EDNRA: variants seen among roughly 807,000 people sequenced by gnomAD.
EDNRA encodes endothelin-1 receptor.
In EDNRA, 11 loss-of-function variants were observed where a neutral mutation model predicts 41.4. The ratio of observed to expected loss-of-function variants is 0.27; its 90% CI spans 0.17 to 0.44. EDNRA has a LOEUF of 0.44. EDNRA is among the 20% of genes least tolerant of loss of function. The probability of loss-of-function intolerance (pLI) is 1.00; values close to 1 mark genes in which losing one functional copy is unlikely to be tolerated. For missense variants in EDNRA, 294 were observed against 531.0 expected (o/e 0.55, Z 4.39); for synonymous variants, 172 against 183.0 (o/e 0.94, Z 0.49).
At chr4:147,539,442 G>T (rs1290461766) in intron 5 of EDNRA, among the ~76,000 whole-genome samples, 2 of 151,502 alleles carry the variant, frequency 1.3e-5, no homozygotes, top group Non-Finnish European at 2.9e-5. Context: ...CCCCCATGCA[G>T]TCACACTCCA....
In EDNRA at chr4:147,527,102, G is replaced by A. The variant is rs59109939; in HGVS notation, c.549-5404G>A. On this transcript the variant is annotated intron_variant, in intron 3 of 7. Transcript: ENST00000651419. ...AGGGGCGGCACTGTACCTTATGGAAGTGGTAAATAAGAATAAATAATAAAT... is the reference window on the plus strand; with the variant it reads ...AGGGGCGGCACTGTACCTTATGGAAATGGTAAATAAGAATAAATAATAAAT... Among the ~76,000 whole-genome samples the A allele has an allele frequency of 4.5e-3, 692 of 152,348 alleles. 6 individuals are homozygous for A. The highest frequency in any genetic ancestry group is 0.016 in the African/African-American group (656 of 41,576).
chr4:147,529,064 C>G (rs1162403815), intron 3 of EDNRA, among the ~76,000 whole-genome samples: 1 of 152,110 alleles, frequency 6.6e-6, no homozygotes, highest in Non-Finnish European at 1.5e-5. Flanking sequence ...CAAGGCACTG[C>G]GATAACAGGT....
At position 147,486,196 on chromosome 4, in the gene EDNRA, A is replaced by T; in HGVS notation, c.420+95A>T. 1 of 1,391,646 alleles carries T rather than the reference A, an allele frequency of 7.2e-7. No homozygotes were observed. The highest frequency in any genetic ancestry group is 9.6e-7 in the Non-Finnish European group (1 of 1,037,110). The allele number at this position is 1,391,646 out of a possible 1,614,324, so 86.2% of individuals were successfully genotyped here. On this transcript the variant is annotated intron_variant, in intron 2 of 7. Transcript: ENST00000651419. The surrounding 1 kb of genome is among the most constrained non-coding windows in gnomAD (Gnocchi z 4.3). Reference sequence around the variant, plus strand: ...AGACTTTTCTGACCTTTGGAATTTTATCTGTGTTTTTACTGAGAGCTATTT... The same window carrying T: ...AGACTTTTCTGACCTTTGGAATTTTTTCTGTGTTTTTACTGAGAGCTATTT...
intron 2 of EDNRA, among the ~76,000 whole-genome samples, chr4:147,512,644 T>C (rs758693527): frequency 4.6e-5 from 7 of 152,238 alleles, no homozygotes; most frequent in Non-Finnish European, 8.8e-5. Context: ...ACCATATGCA[T>C]GGGCACTCTC....
chr4:147,515,912 C>T (rs1730098419), intron 2 of EDNRA, among the ~76,000 whole-genome samples: 1 of 152,154 alleles, frequency 6.6e-6, no homozygotes, highest in Non-Finnish European at 1.5e-5. Context: ...TTAAAACATG[C>T]AGCTTGTCAA....
At chr4:147,492,086 G>C (rs1729157041) in intron 2 of EDNRA, 1 of 152,216 alleles carries the variant, frequency 6.6e-6, no homozygotes, top group South Asian at 2.1e-4. Context: ...TTGGATCTCA[G>C]CTTAATCATC....
chr4:147,507,950 G>A (rs4591581), intron 2 of EDNRA, among the ~76,000 whole-genome samples: 32,747 of 151,996 alleles, frequency 0.22, 6,140 homozygotes, highest in African/African-American at 0.52. Context: ...ATCTGCTTTG[G>A]TGAAATGTTC....
In EDNRA at chr4:147,486,870, A is replaced by C; in HGVS notation, c.420+769A>C. On this transcript the variant is annotated intron_variant, in intron 2 of 7. Coordinates refer to ENST00000651419, the MANE Select transcript of EDNRA (RefSeq NM_001957.4). This position sits in a 1 kb window ranked among gnomAD's most constrained non-coding sequence, Gnocchi z 4.3. The stretch of plus-strand genomic sequence containing the variant: ...GAGGAAGATAACTAACCTTGCTTAC[A>C]GACTGTATTAGGCCATTTCTACATT... Among the ~76,000 whole-genome samples the C allele has an allele frequency of 6.6e-6, 1 of 151,652 alleles. No homozygotes were observed. Among genetic ancestry groups the C allele is most frequent in the East Asian group, 1.9e-4 (1 of 5,142 alleles).
At chr4:147,532,763 A>C in intron 4 of EDNRA, 59 bp downstream of exon 4, 1 of 1,551,596 alleles carries the variant, frequency 6.4e-7, no homozygotes, top group South Asian at 1.1e-5. Flanking sequence ...GTTAGACTTC[A>C]CCATCTTGAG....
At position 147,508,589 on chromosome 4, in the gene EDNRA, T is replaced by C. The variant is rs1029365923; in HGVS notation, c.421-11262T>C. On this transcript the variant is annotated intron_variant, in intron 2 of 7. Coordinates refer to ENST00000651419, the MANE Select transcript of EDNRA (RefSeq NM_001957.4). ...TTTTCTTTGAACAGTTTTAGAGGCTTAGCTCTTACATTCAGTTCTGTAATC... is the reference window on the plus strand; with the variant it reads ...TTTTCTTTGAACAGTTTTAGAGGCTCAGCTCTTACATTCAGTTCTGTAATC... Among the ~76,000 whole-genome samples, 3 of 152,366 alleles carry C rather than the reference T, an allele frequency of 2.0e-5. No individual in the cohort carries two copies. The East Asian group carries it at 5.8e-4, about 29-fold the overall frequency.
At position 147,507,643 on chromosome 4, in the gene EDNRA, CAT is replaced by C. The variant is rs887918619; in HGVS notation, c.421-12207_421-12206del. On this transcript the variant is annotated intron_variant, in intron 2 of 7. Transcript: ENST00000651419. ...CTGGTGATAAATACACAAACCTACACATGTTACTCAATTGCATAGAGCTAAAT... is the reference window on the plus strand; with the variant it reads ...CTGGTGATAAATACACAAACCTACACGTTACTCAATTGCATAGAGCTAAAT... Among the ~76,000 whole-genome samples the C allele has an allele frequency of 1.6e-4, 25 of 152,264 alleles. No individual in the cohort carries two copies. The East Asian group carries it at 2.1e-3, about 13-fold the overall frequency.
intron 3 of EDNRA, 79 bp from the exon 4 acceptor site, chr4:147,532,427 C>T: frequency 1.5e-6 from 2 of 1,320,168 alleles, no homozygotes; most frequent in Non-Finnish European, 2.2e-6. Context: ...GGAGGAACTT[C>T]CCAGCACTTA....
intron 2 of EDNRA, among the ~76,000 whole-genome samples, chr4:147,511,372 T>G (rs1156611932): frequency 2.0e-5 from 3 of 152,198 alleles, no homozygotes; most frequent in African/African-American, 2.4e-5. Flanking sequence ...CAATCTTATT[T>G]ACTATCAAGT....
intron 2 of EDNRA, among the ~76,000 whole-genome samples, chr4:147,498,552 A>G (rs368128612): frequency 2.7e-5 from 3 of 110,472 alleles, no homozygotes; most frequent in South Asian, 5.4e-4. Flanking sequence ...CGTATTTTCT[A>G]TGGCAGCTTT....
intron 3 of EDNRA, among the ~76,000 whole-genome samples, chr4:147,521,516 A>T (rs1170165695): frequency 6.6e-6 from 1 of 152,216 alleles, no homozygotes; most frequent in Non-Finnish European, 1.5e-5. Flanking sequence ...TAAAAAGCTG[A>T]ATAAACACTT....
chr4:147,493,743 T>C (rs1729215957), intron 2 of EDNRA: 1 of 152,206 alleles, frequency 6.6e-6, no homozygotes, highest in African/African-American at 2.4e-5. Context: ...TTGGTAGCCT[T>C]ATGTTTCAAT....
At chr4:147,509,856 T>C (rs1729859440) in intron 2 of EDNRA, among the ~76,000 whole-genome samples, 1 of 152,114 alleles carries the variant, frequency 6.6e-6, no homozygotes, top group South Asian at 2.1e-4. Flanking sequence ...TATTTTATTA[T>C]ATATTGCAAT....
At chr4:147,508,242 G>A (rs970532378) in intron 2 of EDNRA, among the ~76,000 whole-genome samples, 4 of 152,110 alleles carry the variant, frequency 2.6e-5, no homozygotes, top group Non-Finnish European at 4.4e-5. Context: ...GGGTTCAAGC[G>A]ATTCTCATGC....
At chr4:147,490,259 T>A (rs1255571461) in intron 2 of EDNRA, 4 of 151,702 alleles carry the variant, frequency 2.6e-5, no homozygotes, top group African/African-American at 4.8e-5. Flanking sequence ...GGCAAGCCAA[T>A]GAATGCCAGT....
Sources: gnomAD v4.1 joint callset for allele counts (sites outside exome capture counted in the v4.1 genomes callset) on GRCh38, gnomAD v4.1.1 for gene constraint, Gnocchi (gnomAD v3.1) non-coding constraint, MANE v1.5 for transcripts, NCBI Gene and HGNC (gene_info 2026-07-23, HGNC 2026-07-21) for gene names.